Variants in ERAP2 observed in about 807,000 individuals in gnomAD.
ERAP2 encodes endoplasmic reticulum aminopeptidase 2.
Under a neutral mutation model 111.1 loss-of-function variants are expected in ERAP2, and 118 were observed. The ratio of observed to expected loss-of-function variants is 1.06; its 90% CI spans 0.92 to 1.24. The LOEUF is 1.24. Ranked by LOEUF, ERAP2 falls within the 50% of genes most tolerant of loss-of-function variation. ERAP2 has a pLI of 0.00. For missense variants in ERAP2, 1,131 were observed against 1,125.8 expected, an observed-to-expected ratio of 1.00 and a Z score of -0.07; for synonymous variants, 410 against 401.2, an observed-to-expected ratio of 1.02 and a Z score of -0.26.
rs757806899 is a variant in ERAP2 at position 96,880,068 on chromosome 5, C to A, written c.383C>A (p.Ser128Ter). 6.8e-6 allele frequency: 11 copies of A among 1,614,002 alleles called. No homozygotes were observed. In the African/African-American group the frequency reaches 1.3e-4, roughly 20 times the overall value. Residue 128 changes from serine (S) to a stop codon, truncating the protein, a stop_gained, in exon 2 of 19, where the codon TCA (serine) becomes TAA (stop). Coordinates refer to ENST00000437043, the MANE Select transcript of ERAP2 (RefSeq NM_022350.5). LOFTEE classifies it high-confidence loss of function. ...TNATLQSEED[S>*]RYMKPGKELK... The stretch of plus-strand genomic sequence containing the variant: ...GCCACCCTTCAGTCAGAGGAAGATT[C>A]AAGATACATGAAACCAGGAAAAGAA...
chr5:96,914,842 C>T (rs1787197398), intron 17 of ERAP2, among the ~76,000 whole-genome samples: 1 of 152,096 alleles, frequency 6.6e-6, no homozygotes, highest in South Asian at 2.1e-4. Context: ...GCAAGAAGTG[C>T]AATACATTAG....
chr5:96,891,543 CACA>C (rs1784393201), intron 5 of ERAP2, among the ~76,000 whole-genome samples: 1 of 139,032 alleles, frequency 7.2e-6, no homozygotes, highest in African/African-American at 2.9e-5. Context: ...TATACACACA[CACA>C]CACACACACA....
At chr5:96,907,951 T>G (rs1786280281) in intron 13 of ERAP2, among the ~76,000 whole-genome samples, 1 of 152,074 alleles carries the variant, frequency 6.6e-6, no homozygotes, top group Non-Finnish European at 1.5e-5. Context: ...CCTTCCGTCT[T>G]CAGGTGAAAT....
intron 15 of ERAP2, 177 bp downstream of exon 15, chr5:96,909,941 A>G (rs999189263): frequency 1.7e-6 from 1 of 579,262 alleles, no homozygotes; most frequent in Non-Finnish European, 3.0e-6. Flanking sequence ...AGACTAGTAC[A>G]ATCTCTACCA....
chr5:96,900,382 A>G, intron 10 of ERAP2, 193 bp downstream of exon 10: 2 of 870,544 alleles, frequency 2.3e-6, no homozygotes, highest in South Asian at 6.1e-5. Context: ...TTGCTACTAT[A>G]TTTTTGTTGT....
chr5:96,904,627 T>G (rs1785839911), intron 13 of ERAP2, among the ~76,000 whole-genome samples: 1 of 152,174 alleles, frequency 6.6e-6, no homozygotes, highest in African/African-American at 2.4e-5. Context: ...AGAAGCAAGC[T>G]ATTGCTAGTT....
chr5:96,904,031 A>G (rs1285436842), intron 13 of ERAP2, among the ~76,000 whole-genome samples: 1 of 152,228 alleles, frequency 6.6e-6, no homozygotes, highest in South Asian at 2.1e-4. Flanking sequence ...TACACCAAAT[A>G]CCGGTGTAAT....
At chr5:96,914,206 C>T (rs984818522) in intron 17 of ERAP2, among the ~76,000 whole-genome samples, 3 of 151,536 alleles carry the variant, frequency 2.0e-5, no homozygotes, top group Non-Finnish European at 2.9e-5. Context: ...CATTCCTCAT[C>T]CAAATCTAAA....
chr5:96,887,088 TATATATATATATACACAC>T (rs900313226), intron 4 of ERAP2, among the ~76,000 whole-genome samples: 1 of 93,578 alleles, frequency 1.1e-5, no homozygotes, highest in Admixed American at 1.4e-4. Context: ...TATATATATA[TATATATATATATACACAC>T]ACACACACAC....
intron 2 of ERAP2, chr5:96,881,600 A>G (rs1344302852): frequency 4.7e-6 from 2 of 421,600 alleles, no homozygotes; most frequent in Non-Finnish European, 9.5e-6. Context: ...ATGCAACAAG[A>G]AGTCCAGAAG....
intron 4 of ERAP2, 146 bp downstream of exon 4, chr5:96,886,935 C>A: frequency 1.4e-6 from 1 of 703,004 alleles, no homozygotes; most frequent in Non-Finnish European, 2.0e-6. Context: ...TAAAAATTAT[C>A]CATAGTCCTG....
chr5:96,879,549 G>T lies in ERAP2; in HGVS notation c.-122-15G>T, dbSNP rs1023617615. On this transcript the variant is annotated splice_polypyrimidine_tract_variant and intron_variant, in intron 1 of 18. Coordinates refer to ENST00000437043, the MANE Select transcript of ERAP2 (RefSeq NM_022350.5). ...ATCTTTTTTGTCATGCTATAAGTGT[G>T]TTTTTTTCTTCTAGATTAAATTCAT... 10 of 643,940 alleles carry T rather than the reference G, an allele frequency of 1.6e-5. No homozygotes were observed. Among genetic ancestry groups the T allele is most frequent in the Non-Finnish European group, 1.9e-5 (7 of 377,568 alleles). 39.9% of individuals were successfully genotyped at this position (643,940 alleles called of 1,614,324 possible). A position where few individuals can be genotyped will look rare whatever the true frequency, so the allele number is the denominator to read the frequency against.
chr5:96,903,236 G>A (rs78813434), intron 12 of ERAP2, 141 bp from the exon 13 acceptor site: 11 of 613,902 alleles, frequency 1.8e-5, no homozygotes, highest in South Asian at 2.6e-5. Context: ...AGTGAACTAC[G>A]AAAATGAATA....
intron 9 of ERAP2, among the ~76,000 whole-genome samples, chr5:96,897,490 G>A (rs1784991875): frequency 6.6e-6 from 1 of 151,668 alleles, no homozygotes; most frequent in South Asian, 2.1e-4. Flanking sequence ...CTCTTTTATT[G>A]TTTTTATTAG....
In ERAP2 at chr5:96,901,612, G is replaced by T. The variant is rs1013912308; in HGVS notation, c.1679G>T (p.Arg560Leu). 6.2e-7 allele frequency: 1 copy of T among 1,614,104 alleles called. No homozygotes were observed. Among genetic ancestry groups the T allele is most frequent in the East Asian group, 2.2e-5 (1 of 44,884 alleles). ...GTTAAACAAGACGGGTGTTCACTCC[G>T]ACTGCAACAGGAGCGCTTCCTCCAG... ...LVVKQDGCSL[R>L]LQQERFLQGV... The change falls in exon 11 of 19, where the codon CGA (arginine) becomes CTA (leucine). Residue 560 changes from arginine (R) to leucine (L), a missense_variant. Physicochemically the swap from Arg to Leu is moderately radical, Grantham distance 102. Transcript: ENST00000437043.
intron 18 of ERAP2, among the ~76,000 whole-genome samples, chr5:96,916,249 A>G (rs1787371647): frequency 6.6e-6 from 1 of 150,762 alleles, no homozygotes; most frequent in Non-Finnish European, 1.5e-5. Flanking sequence ...AACAAAAACA[A>G]AAAACAACAG....
Position 96,900,199 on chromosome 5 carries a change from AAG to A in ERAP2, c.1572+15_1572+16del, listed in dbSNP as rs1267662755. Reference sequence around the variant, plus strand: ...GATGACAAGTAACATGGTAAGGATAAAGAGAGTCACAGAGTAGAAGAGATCTG... The same window carrying A: ...GATGACAAGTAACATGGTAAGGATAAAGAGTCACAGAGTAGAAGAGATCTG... On this transcript the variant is annotated intron_variant, in intron 10 of 18. Coordinates refer to ENST00000437043, the MANE Select transcript of ERAP2 (RefSeq NM_022350.5). 9.3e-6 allele frequency: 15 copies of A among 1,613,406 alleles called. No individual in the cohort carries two copies. Among genetic ancestry groups the A allele is most frequent in the Middle Eastern group, 1.6e-4 (1 of 6,080 alleles).
chr5:96,892,587 A>G (rs1784492547), intron 6 of ERAP2, 134 bp downstream of exon 6: 6 of 981,474 alleles, frequency 6.1e-6, no homozygotes, highest in Non-Finnish European at 8.9e-6. Flanking sequence ...TAAACCTAAC[A>G]CAACGTCAAG....
chr5:96,910,923 A>G (rs965441539), intron 15 of ERAP2, among the ~76,000 whole-genome samples: 35 of 152,242 alleles, frequency 2.3e-4, no homozygotes, highest in Admixed American at 4.6e-4. Flanking sequence ...CATGTGGCCT[A>G]CCTTCAAGAA....
Sources: allele counts gnomAD v4.1 joint callset (sites outside exome capture counted in the v4.1 genomes callset), GRCh38; gene constraint gnomAD v4.1.1; transcripts MANE v1.5; gene names NCBI Gene and HGNC (gene_info 2026-07-23, HGNC 2026-07-21).